The following ARL17B variants were observed in gnomAD, a reference collection of about 807,000 sequenced individuals.
The protein encoded by ARL17B is ARF like GTPase 17B.
intron 2 of ARL17B, among the ~76,000 whole-genome samples, chr17:46,357,311 AGGCAAAGATTCAGTTCTGTCAAAACTCG>A: frequency 2.0e-5 from 2 of 99,404 alleles, no homozygotes; most frequent in Non-Finnish European, 3.9e-5. Flanking sequence ...GCAGTTCACA[AGGCAAAGATTCAGTTCTGTCAAAACTCG>A]CTTTGTAAAT....
downstream of ARL17B, among the ~76,000 whole-genome samples, chr17:46,333,096 T>C (rs1344299813): frequency 8.1e-6 from 1 of 123,582 alleles, no homozygotes. Context: ...ACGTATTGTC[T>C]TGTAGACTTA....
At chr17:46,305,510 GATTT>G in intron 3 of ARL17B, 1 of 388,642 alleles carries the variant, frequency 2.6e-6, no homozygotes, top group South Asian at 3.5e-5. Flanking sequence ...TTTTCCTAGA[GATTT>G]ATCCTGCAAT....
chr17:46,278,408 TTTTGTTG>T (rs1452860600), intron 4 of ARL17B, among the ~76,000 whole-genome samples: 17,794 of 143,916 alleles, frequency 0.12, 3 homozygotes, highest in Middle Eastern at 0.19. Context: ...TTTGTTTTTT[TTTTGTTG>T]TTGTTTTAAG....
At chr17:46,317,200 T>C (rs3096457) in intron 3 of ARL17B, among the ~76,000 whole-genome samples, 4 of 81,854 alleles carry the variant, frequency 4.9e-5, no homozygotes, top group African/African-American at 1.3e-4. Flanking sequence ...CAGTTAGTTT[T>C]AAATTTTTTG....
intron 3 of ARL17B, among the ~76,000 whole-genome samples, chr17:46,340,462 C>T (rs1412837854): frequency 1.5e-5 from 1 of 67,208 alleles, no homozygotes; most frequent in Non-Finnish European, 3.7e-5. Flanking sequence ...GTAATCCACC[C>T]GCCCTGGCCT....
chr17:46,332,524 GTTTTTTTTTGTGTGT>G, downstream of ARL17B: 1 of 1,370,852 alleles, frequency 7.3e-7, no homozygotes, highest in East Asian at 3.2e-5. Context: ...TCTCATTCTG[GTTTTTTTTTGTGTGT>G]TTTTTTTTTT....
At chr17:46,278,415 G>GT (rs1357106363) in intron 4 of ARL17B, among the ~76,000 whole-genome samples, 10,518 of 117,924 alleles carry the variant, frequency 0.089, 445 homozygotes, top group Middle Eastern at 0.24. Context: ...TTTTTTTGTT[G>GT]TTGTTTTAAG....
chr17:46,317,344 G>T (rs1412583674), intron 3 of ARL17B, among the ~76,000 whole-genome samples: 1 of 80,538 alleles, frequency 1.2e-5, no homozygotes, highest in African/African-American at 3.2e-5. Flanking sequence ...CATTGTTTTT[G>T]AAGACAAATT....
intron 4 of ARL17B, chr17:46,292,945 C>CTTTTT (rs57946759): frequency 1.2e-4 from 1 of 8,642 alleles, no homozygotes; most frequent in African/African-American, 1.7e-4. Flanking sequence ...CCATTTTTAT[C>CTTTTT]TTTTTTTTTT....
chr17:46,288,854 C>A (rs1226173952), intron 4 of ARL17B, among the ~76,000 whole-genome samples: 2 of 151,944 alleles, frequency 1.3e-5, no homozygotes. Flanking sequence ...CAGGCACGTG[C>A]CACCAAGCTC....
At chr17:46,280,635 G>A (rs948018511) in intron 4 of ARL17B, among the ~76,000 whole-genome samples, 1 of 144,824 alleles carries the variant, frequency 6.9e-6, no homozygotes, top group African/African-American at 2.7e-5. Context: ...GTGCAGTGGT[G>A]TGATCTTGGC....
intron 3 of ARL17B, among the ~76,000 whole-genome samples, chr17:46,327,926 C>T (rs1279289328): frequency 1.7e-5 from 1 of 59,540 alleles, no homozygotes; most frequent in African/African-American, 3.7e-5. Flanking sequence ...CCAGATTTGA[C>T]CAATGCAGTC....
chr17:46,278,379 TTGTTC>T (rs145847564), intron 4 of ARL17B, among the ~76,000 whole-genome samples: 14,322 of 145,312 alleles, frequency 0.099, 24 homozygotes, highest in Non-Finnish European at 0.15. Flanking sequence ...TTGTTTTGTT[TTGTTC>T]TGTTTTGTTT....
intron 4 of ARL17B, among the ~76,000 whole-genome samples, chr17:46,280,247 C>A (rs1317881947): frequency 3.3e-5 from 5 of 152,292 alleles, no homozygotes; most frequent in Non-Finnish European, 5.9e-5. Flanking sequence ...GCCTGTAATC[C>A]CAGCTACTTG....
At chr17:46,277,087 G>A (rs2049610816) in intron 4 of ARL17B, among the ~76,000 whole-genome samples, 1 of 152,216 alleles carries the variant, frequency 6.6e-6, no homozygotes, top group South Asian at 2.1e-4. Flanking sequence ...TCACAGGTGT[G>A]AGCCACTGCA....
At chr17:46,340,221 T>C (rs1333135986) in intron 3 of ARL17B, among the ~76,000 whole-genome samples, 3 of 84,036 alleles carry the variant, frequency 3.6e-5, no homozygotes, top group African/African-American at 9.7e-5. Context: ...TTTTTCTTTT[T>C]TTTTTTCTTT....
rs1164145796 is a variant in ARL17B at position 46,325,706 on chromosome 17, C to T, written c.260-26041G>A. On this transcript the variant is annotated intron_variant, in intron 3 of 4. Transcript: ENST00000434041. ...AGTGATGATAGTCCTCTGGTTATGT[C>T]GGAGAATGCCTTGGTTCTTAGGGGC... Among the ~76,000 whole-genome samples, 5 of 79,718 alleles carry T rather than the reference C, an allele frequency of 6.3e-5. 2 individuals are homozygous for T. The highest frequency in any genetic ancestry group is 1.5e-4 in the Non-Finnish European group (4 of 26,428). The allele number at this position is 79,718 out of a possible 152,430, so 52.3% of individuals were successfully genotyped here. A position where few individuals can be genotyped will look rare whatever the true frequency, so the allele number is the denominator to read the frequency against.
intron 4 of ARL17B, among the ~76,000 whole-genome samples, chr17:46,275,744 C>T (rs1424927136): frequency 4.6e-5 from 7 of 151,794 alleles, no homozygotes; most frequent in South Asian, 2.1e-4. Context: ...GTGAAAGGTG[C>T]GTGTGTGTGT....
chr17:46,291,841 G>A (rs545471922), intron 4 of ARL17B, among the ~76,000 whole-genome samples: 54 of 152,112 alleles, frequency 3.6e-4, no homozygotes, highest in African/African-American at 1.3e-3. Context: ...CGCGCCTGTA[G>A]TCCCAGATAC....
Sources: allele counts gnomAD v4.1 joint callset (sites outside exome capture counted in the v4.1 genomes callset), GRCh38; gene constraint gnomAD v4.1.1; transcripts MANE v1.5; gene names NCBI Gene and HGNC (gene_info 2026-07-23, HGNC 2026-07-21).